The following NOL4 variants were observed in gnomAD, a reference collection of about 807,000 sequenced individuals.
NOL4 encodes cancer/testis antigen 125.
A neutral mutation model predicts 75.9 loss-of-function variants in NOL4; 17 were observed. That is an observed-to-expected ratio of 0.22 (90% CI 0.15 to 0.34). NOL4 has a LOEUF of 0.34. Ranked by LOEUF, NOL4 falls within the 10% of genes least tolerant of loss-of-function variation. NOL4 has a pLI of 1.00. For missense variants in NOL4, 614 were observed against 793.5 expected, an observed-to-expected ratio of 0.77 and a Z score of 2.72; for synonymous variants, 292 against 289.9, an observed-to-expected ratio of 1.01 and a Z score of -0.07.
At chr18:33,961,950 G>A (rs2070165455) in intron 6 of NOL4, among the ~76,000 whole-genome samples, 2 of 152,040 alleles carry the variant, frequency 1.3e-5, no homozygotes, top group Admixed American at 6.6e-5. Context: ...GGCCTGTTAT[G>A]GTATCTCCTA....
chr18:34,210,723 A>C (rs1330288189), intron 1 of NOL4, among the ~76,000 whole-genome samples: 2 of 152,204 alleles, frequency 1.3e-5, no homozygotes, highest in Non-Finnish European at 1.5e-5. Context: ...TGTCACTTTA[A>C]AGTGACTTTG....
intron 5 of NOL4, among the ~76,000 whole-genome samples, chr18:34,043,251 T>C (rs2076216411): frequency 6.6e-6 from 1 of 152,088 alleles, no homozygotes; most frequent in Non-Finnish European, 1.5e-5. Flanking sequence ...GACAAATAAA[T>C]GAATTAATGT....
intron 9 of NOL4, among the ~76,000 whole-genome samples, chr18:33,895,906 C>T (rs1458825572): frequency 1.3e-5 from 2 of 152,018 alleles, no homozygotes; most frequent in African/African-American, 4.8e-5. Flanking sequence ...TAGAAAACCT[C>T]ATAGTCTCAG....
chr18:33,990,745 C>T (rs1052572691), intron 6 of NOL4, among the ~76,000 whole-genome samples: 1 of 151,842 alleles, frequency 6.6e-6, no homozygotes, highest in African/African-American at 2.4e-5. Context: ...TATCACCTAG[C>T]CCACAGTCTT....
intron 2 of NOL4, among the ~76,000 whole-genome samples, chr18:34,128,230 C>T (rs1568373389): frequency 6.6e-6 from 1 of 151,796 alleles, no homozygotes; most frequent in Non-Finnish European, 1.5e-5. Flanking sequence ...TTTTAAATTG[C>T]TTTTGGCACC....
intron 6 of NOL4, among the ~76,000 whole-genome samples, chr18:33,968,400 G>C (rs1197211198): frequency 6.6e-6 from 1 of 152,166 alleles, no homozygotes; most frequent in Admixed American, 6.6e-5. Flanking sequence ...ATCAGTGGTG[G>C]ACTGGATAAA....
chr18:34,200,223 CA>C (rs1361056302), intron 1 of NOL4, among the ~76,000 whole-genome samples: 5 of 151,890 alleles, frequency 3.3e-5, no homozygotes, highest in African/African-American at 1.2e-4. Flanking sequence ...AACTGGACCA[CA>C]AGCCCTGTTG....
chr18:34,184,619 CAGCA>C (rs370170185), intron 1 of NOL4, among the ~76,000 whole-genome samples: 106 of 152,098 alleles, frequency 7.0e-4, no homozygotes, highest in African/African-American at 2.5e-3. Flanking sequence ...ACAGAGTGAA[CAGCA>C]AGAATTCTGA....
chr18:34,219,373 T>C (rs1048629637), intron 1 of NOL4, among the ~76,000 whole-genome samples: 1 of 152,244 alleles, frequency 6.6e-6, no homozygotes, highest in African/African-American at 2.4e-5. Flanking sequence ...ATTCCTAATG[T>C]TTTATACAAT....
intron 1 of NOL4, among the ~76,000 whole-genome samples, chr18:34,145,655 A>C (rs2081366969): frequency 6.6e-6 from 1 of 151,908 alleles, no homozygotes; most frequent in Non-Finnish European, 1.5e-5. Context: ...GGAAAAGAAA[A>C]ACATAAGAAT....
chr18:34,201,944 T>C (rs2035772226), intron 1 of NOL4, among the ~76,000 whole-genome samples: 2 of 151,828 alleles, frequency 1.3e-5, no homozygotes, highest in South Asian at 4.1e-4. Context: ...GTTTATTCTA[T>C]ATGGGAAATT....
intron 5 of NOL4, among the ~76,000 whole-genome samples, chr18:34,082,443 C>T (rs1343681753): frequency 6.6e-6 from 1 of 152,104 alleles, no homozygotes; most frequent in African/African-American, 2.4e-5. Flanking sequence ...CAGCGCCTAG[C>T]GTTCAGTAAA....
At chr18:33,934,489 C>T (rs1457081215) in intron 9 of NOL4, among the ~76,000 whole-genome samples, 1 of 152,180 alleles carries the variant, frequency 6.6e-6, no homozygotes, top group Non-Finnish European at 1.5e-5. Flanking sequence ...ATTTCATCTA[C>T]ATTATAAATC....
chr18:34,136,649 A>G (rs886473838), intron 1 of NOL4, among the ~76,000 whole-genome samples: 11 of 152,170 alleles, frequency 7.2e-5, no homozygotes, highest in African/African-American at 2.4e-4. Context: ...TAAGACTTAT[A>G]CACTGAACAT....
intron 10 of NOL4, among the ~76,000 whole-genome samples, chr18:33,871,428 GC>G (rs1484964217): frequency 6.6e-6 from 1 of 151,970 alleles, no homozygotes; most frequent in East Asian, 1.9e-4. Context: ...TCCTGAAAAA[GC>G]AGGACATTCT....
chr18:33,973,658 C>G (rs995202901), intron 6 of NOL4, among the ~76,000 whole-genome samples: 1 of 152,168 alleles, frequency 6.6e-6, no homozygotes, highest in African/African-American at 2.4e-5. Context: ...GGTTAGCAGG[C>G]CTGAAAACAT....
chr18:34,190,459 T>C (rs2034831381), intron 1 of NOL4, among the ~76,000 whole-genome samples: 1 of 152,012 alleles, frequency 6.6e-6, no homozygotes. Context: ...CATTGTATTA[T>C]GTTTATATAT....
intron 6 of NOL4, among the ~76,000 whole-genome samples, chr18:33,991,033 G>A (rs1489252655): frequency 6.6e-6 from 1 of 151,878 alleles, no homozygotes; most frequent in African/African-American, 2.4e-5. Flanking sequence ...CCTTCATAAA[G>A]GTGTCCAATT....
chr18:33,854,969 T>C (rs2037830864), intron 10 of NOL4, among the ~76,000 whole-genome samples: 1 of 152,036 alleles, frequency 6.6e-6, no homozygotes, highest in African/African-American at 2.4e-5. Flanking sequence ...CTTCAGACCT[T>C]TGTTAGCACA....
Sources: gnomAD v4.1 joint callset for allele counts (sites outside exome capture counted in the v4.1 genomes callset) on GRCh38, gnomAD v4.1.1 for gene constraint, MANE v1.5 for transcripts, NCBI Gene and HGNC (gene_info 2026-07-23, HGNC 2026-07-21) for gene names.